Variants in BRCC3 observed in about 807,000 individuals in gnomAD.
BRCC3 encodes lys-63-specific deubiquitinase BRCC36.
Under a neutral mutation model 28.0 loss-of-function variants are expected in BRCC3, and 15 were observed. The ratio of observed to expected loss-of-function variants is 0.54; its 90% CI spans 0.36 to 0.82. The LOEUF is 0.82. BRCC3 is among the 40% of genes least tolerant of loss of function. The probability of loss-of-function intolerance (pLI) is 0.01; values close to 1 mark genes in which losing one functional copy is unlikely to be tolerated. For synonymous variants in BRCC3, 66 were observed against 80.3 expected (o/e 0.82, Z 0.95); for missense variants, 109 against 225.9 (o/e 0.48, Z 3.32).
rs1557298850 is a variant in BRCC3 at position 155,116,722 on chromosome X, T to C, written c.692T>C (p.Leu231Pro). 3 of 1,181,002 alleles carry C rather than the reference T, an allele frequency of 2.5e-6. No homozygotes were observed. The highest frequency in any genetic ancestry group is 3.0e-5 in the East Asian group (1 of 33,148). ...AYRRIHSLTH[L>P]DSVTKIHNGS... ...ATTTTATTCTTTAGCCTTACACATC[T>C]GGACTCAGTAACCAAGATCCATAAT... The change falls in exon 9 of 11, where the codon CTG (leucine) becomes CCG (proline). Residue 231 changes from leucine to proline, a missense_variant. By Grantham distance (98) the Leu-to-Pro change is moderately conservative. Transcript: ENST00000330045.
At chrX:155,081,353 C>T (rs1751758631) in intron 5 of BRCC3, among the ~76,000 whole-genome samples, 1 of 103,288 alleles carries the variant, frequency 9.7e-6, no homozygotes, top group South Asian at 4.2e-4. Flanking sequence ...AAAAAAAGTA[C>T]AGTAATGAAA....
chrX:155,072,833 C>T, intron 2 of BRCC3, among the ~76,000 whole-genome samples: 2 of 110,756 alleles, frequency 1.8e-5, no homozygotes, highest in East Asian at 5.7e-4. Flanking sequence ...GCTGGAATTT[C>T]AGGCGTGAGC....
intron 3 of BRCC3, among the ~76,000 whole-genome samples, chrX:155,074,067 C>G (rs782252770): frequency 3.6e-4 from 40 of 112,146 alleles, no homozygotes; most frequent in African/African-American, 1.2e-3. Flanking sequence ...TAGTTACAAA[C>G]TTCTCCACCT....
At chrX:155,077,854 C>T (rs2074057126) in intron 4 of BRCC3, among the ~76,000 whole-genome samples, 2 of 112,126 alleles carry the variant, frequency 1.8e-5, no homozygotes, top group Non-Finnish European at 3.8e-5. Flanking sequence ...CTTTTGTTTT[C>T]TTCAGGGATC....
rs782706144 is a variant in BRCC3, at chrX:155,074,440, C to G, written c.195+1009C>G. 1.2e-3 allele frequency among the ~76,000 whole-genome samples: 132 copies of G among 111,744 alleles called. No individual in the cohort carries two copies. The Middle Eastern group carries it at 0.023, about 20-fold the overall frequency. On this transcript the variant is annotated intron_variant, in intron 3 of 10. Coordinates refer to ENST00000330045, the MANE Select transcript of BRCC3 (RefSeq NM_001018055.3). Reference sequence around the variant, plus strand: ...TCCTGGTGCTTATCTTCATCTTTCTCCTTGAATCTCTAAACTCTCATGAGT... The same window carrying G: ...TCCTGGTGCTTATCTTCATCTTTCTGCTTGAATCTCTAAACTCTCATGAGT...
chrX:155,119,963 C>T (rs782730844), intron 9 of BRCC3, 36 bp from the exon 10 acceptor site: 8 of 1,167,256 alleles, frequency 6.9e-6, no homozygotes, highest in Middle Eastern at 3.4e-4. Context: ...TGGTGCTTTT[C>T]CACAATTATT....
chrX:155,074,453 A>G (rs1452379787), intron 3 of BRCC3, among the ~76,000 whole-genome samples: 3 of 110,985 alleles, frequency 2.7e-5, no homozygotes, highest in African/African-American at 9.8e-5. Context: ...TGAATCTCTA[A>G]ACTCTCATGA....
At chrX:155,102,645 TG>T (rs1351071647) in intron 7 of BRCC3, among the ~76,000 whole-genome samples, 1 of 112,036 alleles carries the variant, frequency 8.9e-6, no homozygotes, top group Non-Finnish European at 1.9e-5. Context: ...AGAGCGGTCA[TG>T]GTAACTTTGT....
At chrX:155,093,628 T>C (rs1311598801) in intron 7 of BRCC3, among the ~76,000 whole-genome samples, 2 of 106,199 alleles carry the variant, frequency 1.9e-5, no homozygotes, top group Non-Finnish European at 3.9e-5. Flanking sequence ...AGGATTCTAT[T>C]GGATAAATTA....
In BRCC3 at chrX:155,105,211, A is replaced by G. The variant is rs947192323; in HGVS notation, c.549-10846A>G. On this transcript the variant is annotated intron_variant, in intron 7 of 10. Transcript: ENST00000330045. ...TAAAAAGTTTGTGTTAGGTGGGCAC[A>G]GTGGCTCATGTCTGTAATCCCAGCA... Among the ~76,000 whole-genome samples, 3 of 112,291 alleles carry G rather than the reference A, an allele frequency of 2.7e-5. No individual in the cohort carries two copies. In the Admixed American group the frequency reaches 2.8e-4, roughly 11 times the overall value.
At chrX:155,079,154 C>T (rs1025057446) in intron 5 of BRCC3, among the ~76,000 whole-genome samples, 1 of 111,118 alleles carries the variant, frequency 9.0e-6, no homozygotes, top group Non-Finnish European at 1.9e-5. Context: ...TTTTTTTGTC[C>T]GTATCTGCGT....
chrX:155,115,699 A>T (rs1421504150), intron 7 of BRCC3, among the ~76,000 whole-genome samples: 1 of 111,908 alleles, frequency 8.9e-6, no homozygotes, highest in Non-Finnish European at 1.9e-5. Context: ...TTTGTGATTA[A>T]TTTGTTCAAC....
At chrX:155,079,085 T>C (rs2074066657) in intron 5 of BRCC3, among the ~76,000 whole-genome samples, 1 of 111,955 alleles carries the variant, frequency 8.9e-6, no homozygotes, top group South Asian at 3.7e-4. Context: ...TTCTAATCAG[T>C]GTAATGTAAC....
At chrX:155,073,523 G>T in intron 3 of BRCC3, 92 bp downstream of exon 3, 1 of 974,194 alleles carries the variant, frequency 1.0e-6, no homozygotes, top group Non-Finnish European at 1.4e-6. Context: ...GCGGTTTCTG[G>T]CTGGATGAGA....
rs1249423103 is a variant in BRCC3 at position 155,116,318 on chromosome X, C to G, written c.680+130C>G. 8.9e-6 allele frequency: 5 copies of G among 563,089 alleles called. No homozygotes were observed. The African/African-American group carries it at 1.2e-4, about 13-fold the overall frequency. The allele number at this position is 563,089 out of a possible 1,213,427, so 46.4% of individuals were successfully genotyped here. A position where few individuals can be genotyped will look rare whatever the true frequency, so the allele number is the denominator to read the frequency against. ...TTTGCCTCTCTGGGAAGCTTTCTAG[C>G]AGTCTCCAATCATAATGTTTCTCAC... is the stretch of plus-strand genomic sequence containing the variant. On this transcript the variant is annotated intron_variant, in intron 8 of 10. Coordinates refer to ENST00000330045, the MANE Select transcript of BRCC3 (RefSeq NM_001018055.3).
chrX:155,104,898 TAAGAGTGTATACTCA>T (rs1440548463), intron 7 of BRCC3, among the ~76,000 whole-genome samples: 3 of 112,986 alleles, frequency 2.7e-5, no homozygotes, highest in Non-Finnish European at 5.6e-5. Flanking sequence ...GACATATGCC[TAAGAGTGTATACTCA>T]AAATACTTAG....
chrX:155,071,770 G>T, intron 1 of BRCC3, 120 bp downstream of exon 1: 1 of 847,819 alleles, frequency 1.2e-6, no homozygotes. Flanking sequence ...TAGGTCCTTG[G>T]ACACCCTTTA....
chrX:155,105,430 C>T (rs2124293245), intron 7 of BRCC3, among the ~76,000 whole-genome samples: 1 of 111,549 alleles, frequency 9.0e-6, no homozygotes, highest in South Asian at 3.8e-4. Context: ...TTGCAGTGAG[C>T]CGAGATTGTG....
intron 4 of BRCC3, 65 bp from the exon 5 acceptor site, chrX:155,078,551 T>G: frequency 1.3e-6 from 1 of 765,737 alleles, no homozygotes; most frequent in Non-Finnish European, 2.0e-6. Flanking sequence ...TCAGGGTGCT[T>G]TCTGAGCCCT....
Sources: allele counts gnomAD v4.1 joint callset (sites outside exome capture counted in the v4.1 genomes callset), GRCh38; gene constraint gnomAD v4.1.1; transcripts MANE v1.5; gene names NCBI Gene and HGNC (gene_info 2026-07-23, HGNC 2026-07-21).